PARD3B: variants seen among roughly 807,000 people sequenced by gnomAD.
The protein encoded by PARD3B is par-3 family cell polarity regulator beta, also known as partitioning defective 3 homolog B.
Under a neutral mutation model 130.2 loss-of-function variants are expected in PARD3B, and 103 were observed. The ratio of observed to expected loss-of-function variants is 0.79; its 90% confidence interval spans 0.67 to 0.93. The LOEUF is 0.93. PARD3B is among the 40% of genes least tolerant of loss of function. The pLI is 0.00. For synonymous variants in PARD3B, 583 were observed against 553.2 expected, an observed-to-expected ratio of 1.05 and a Z score of -0.76; for missense variants, 1,609 against 1,499.2, an observed-to-expected ratio of 1.07 and a Z score of -1.21.
chr2:205,488,019 T>C (rs549668015), intron 20 of PARD3B, among the ~76,000 whole-genome samples: 10 of 152,302 alleles, frequency 6.6e-5, no homozygotes, highest in African/African-American at 2.4e-4. Context: ...GTTTTGTAGG[T>C]TTCCTCTATT....
intron 2 of PARD3B, among the ~76,000 whole-genome samples, chr2:204,896,313 G>A (rs570822604): frequency 6.6e-6 from 1 of 152,286 alleles, no homozygotes; most frequent in South Asian, 2.1e-4. Context: ...AGAGGAAGTT[G>A]GTCTTGGCCT....
rs371839271 is a variant in PARD3B at position 204,986,101 on chromosome 2, C to CAAAA, written c.394+20800_394+20803dup. Reference sequence around the variant, plus strand: ...GGACAACAGAGCGAGACTCTGTCTCCAAAAAAAAAAAAAAAAAAAAAAAAA... The same window carrying CAAAA: ...GGACAACAGAGCGAGACTCTGTCTCCAAAAAAAAAAAAAAAAAAAAAAAAAAAAA... On this transcript the variant is annotated intron_variant, in intron 3 of 22. Coordinates refer to ENST00000406610, the MANE Select transcript of PARD3B (RefSeq NM_001302769.2). Among the ~76,000 whole-genome samples, 49 of 51,100 alleles carry CAAAA rather than the reference C, an allele frequency of 9.6e-4. 2 individuals are homozygous for CAAAA. The highest frequency in any genetic ancestry group is 0.014 in the Middle Eastern group (1 of 72). The allele number at this position is 51,100 out of a possible 152,430, so 33.5% of individuals were successfully genotyped here. A position where few individuals can be genotyped will look rare whatever the true frequency, so the allele number is the denominator to read the frequency against.
At chr2:204,692,310 C>A (rs2037391530) in intron 2 of PARD3B, among the ~76,000 whole-genome samples, 1 of 152,012 alleles carries the variant, frequency 6.6e-6, no homozygotes, top group African/African-American at 2.4e-5. Context: ...AAAGGAAATT[C>A]CTTGCATTTA....
At chr2:205,360,245 G>C (rs11676529) in intron 18 of PARD3B, among the ~76,000 whole-genome samples, 90,727 of 151,864 alleles carry the variant, frequency 0.6, 30,512 homozygotes, top group South Asian at 0.77. Flanking sequence ...ATTTTTGTTG[G>C]ATTTCTTGTT....
chr2:204,846,027 C>A (rs981060625), intron 2 of PARD3B, among the ~76,000 whole-genome samples: 16 of 151,756 alleles, frequency 1.1e-4, no homozygotes, highest in Admixed American at 1.1e-3. Context: ...GGATTGGTAT[C>A]TTGAATATGA....
At chr2:205,359,729 C>T (rs917644780) in intron 18 of PARD3B, among the ~76,000 whole-genome samples, 1 of 152,112 alleles carries the variant, frequency 6.6e-6, no homozygotes, top group African/African-American at 2.4e-5. Flanking sequence ...ATCTCTTTCA[C>T]ACAATTTTGT....
intron 2 of PARD3B, among the ~76,000 whole-genome samples, chr2:204,937,687 T>C (rs1688573872): frequency 6.6e-6 from 1 of 152,206 alleles, no homozygotes; most frequent in African/African-American, 2.4e-5. Flanking sequence ...ACAAATTGTT[T>C]CTTCTTCGCT....
chr2:204,842,566 T>C (rs779626444), intron 2 of PARD3B, among the ~76,000 whole-genome samples: 1 of 152,182 alleles, frequency 6.6e-6, no homozygotes, highest in Admixed American at 6.5e-5. Flanking sequence ...AAATTTCTTT[T>C]AAATGTGCCT....
chr2:204,912,379 C>T (rs1020101316), intron 2 of PARD3B, among the ~76,000 whole-genome samples: 1 of 148,712 alleles, frequency 6.7e-6, no homozygotes, highest in Non-Finnish European at 1.5e-5. Flanking sequence ...GAATAAAGTA[C>T]ACAGCTGACC....
At chr2:204,977,906 C>T (rs1167746544) in intron 3 of PARD3B, among the ~76,000 whole-genome samples, 1 of 151,702 alleles carries the variant, frequency 6.6e-6, no homozygotes, top group African/African-American at 2.4e-5. Context: ...CTGATGAGGG[C>T]TCCAGATGTT....
intron 18 of PARD3B, among the ~76,000 whole-genome samples, chr2:205,380,295 A>ATT (rs1168239415): frequency 1.0e-4 from 2 of 20,024 alleles, no homozygotes; most frequent in African/African-American, 4.2e-4. Context: ...AAGAATATAT[A>ATT]TTATATATTA....
At chr2:205,600,560 G>A (rs774361503) in intron 22 of PARD3B, among the ~76,000 whole-genome samples, 28 of 152,280 alleles carry the variant, frequency 1.8e-4, no homozygotes, top group African/African-American at 3.8e-4. Context: ...TGTAACACAG[G>A]TAAACGTGTG....
chr2:205,163,487 G>T (rs1434569142), intron 11 of PARD3B, among the ~76,000 whole-genome samples: 1 of 152,188 alleles, frequency 6.6e-6, no homozygotes, highest in Non-Finnish European at 1.5e-5. Context: ...GGAAATTTGG[G>T]ATTCTCCTTC....
intron 2 of PARD3B, among the ~76,000 whole-genome samples, chr2:204,841,378 A>G (rs1253157711): frequency 6.6e-6 from 1 of 152,166 alleles, no homozygotes; most frequent in Non-Finnish European, 1.5e-5. Flanking sequence ...CAGAGCACAT[A>G]TACAAGAACA....
intron 2 of PARD3B, among the ~76,000 whole-genome samples, chr2:204,766,519 G>T (rs1235695856): frequency 6.6e-6 from 1 of 151,888 alleles, no homozygotes; most frequent in Non-Finnish European, 1.5e-5. Flanking sequence ...AAAAATTTTA[G>T]TGTACTATAC....
At chr2:205,312,561 T>C (rs942342032) in intron 18 of PARD3B, among the ~76,000 whole-genome samples, 1 of 152,214 alleles carries the variant, frequency 6.6e-6, no homozygotes, top group Non-Finnish European at 1.5e-5. Flanking sequence ...TTGTTCTCCA[T>C]GGTTATCTAC....
intron 15 of PARD3B, among the ~76,000 whole-genome samples, chr2:205,219,091 A>C (rs995720421): frequency 6.6e-6 from 1 of 152,036 alleles, no homozygotes; most frequent in Non-Finnish European, 1.5e-5. Context: ...AAAAAAAAAA[A>C]AATGCTGCCT....
intron 22 of PARD3B, among the ~76,000 whole-genome samples, chr2:205,586,431 A>G (rs1039518725): frequency 6.6e-6 from 1 of 152,162 alleles, no homozygotes; most frequent in African/African-American, 2.4e-5. Context: ...CTTGTCACCT[A>G]GTATCCAGAA....
intron 2 of PARD3B, among the ~76,000 whole-genome samples, chr2:204,696,111 A>G (rs938219845): frequency 2.6e-5 from 4 of 151,960 alleles, no homozygotes; most frequent in Non-Finnish European, 5.9e-5. Context: ...AGCGGGTTCT[A>G]TAAAATGGGA....
Sources: gnomAD v4.1 joint callset for allele counts (sites outside exome capture counted in the v4.1 genomes callset) on GRCh38, gnomAD v4.1.1 for gene constraint, MANE v1.5 for transcripts, NCBI Gene and HGNC (gene_info 2026-07-23, HGNC 2026-07-21) for gene names.